The following SAMTOR variants were observed in gnomAD, a reference collection of about 807,000 sequenced individuals.
SAMTOR encodes UPF0532 protein C7orf60.
the SAMTOR span, among the ~76,000 whole-genome samples, chr7:112,847,984 T>A: frequency 6.6e-6 from 1 of 151,898 alleles, no homozygotes; most frequent in Admixed American, 6.6e-5. Flanking sequence ...TCAAAAAATT[T>A]AAAAAATTAA....
the SAMTOR span, among the ~76,000 whole-genome samples, chr7:112,899,669 G>A: frequency 6.6e-6 from 1 of 150,668 alleles, no homozygotes; most frequent in African/African-American, 2.5e-5. Context: ...AATCCTAAAA[G>A]CAGTAAGAGA....
At chr7:112,865,470 G>T in the SAMTOR span, among the ~76,000 whole-genome samples, 8 of 151,916 alleles carry the variant, frequency 5.3e-5, no homozygotes, top group Non-Finnish European at 1.2e-4. Flanking sequence ...TGAAGACAGG[G>T]TTTCGCCATG....
At chr7:112,919,465 T>G in the SAMTOR span, among the ~76,000 whole-genome samples, 8 of 151,004 alleles carry the variant, frequency 5.3e-5, no homozygotes, top group East Asian at 9.8e-4. Flanking sequence ...AGAGGGAAAT[T>G]TATAGCACTA....
chr7:112,890,045 G>A, the SAMTOR span, among the ~76,000 whole-genome samples: 2 of 152,168 alleles, frequency 1.3e-5, no homozygotes, highest in Admixed American at 6.5e-5. Flanking sequence ...GGACTAGTCA[G>A]AAATTTAACA....
chr7:112,859,128 A>G, the SAMTOR span, among the ~76,000 whole-genome samples: 1 of 152,330 alleles, frequency 6.6e-6, no homozygotes, highest in East Asian at 1.9e-4. Context: ...TGCAATATCA[A>G]CTTTTCCATG....
the SAMTOR span, among the ~76,000 whole-genome samples, chr7:112,912,348 T>C: frequency 6.6e-6 from 1 of 152,082 alleles, no homozygotes; most frequent in Non-Finnish European, 1.5e-5. Context: ...ATTGCATTTT[T>C]TTCTCTGGCT....
the SAMTOR span, among the ~76,000 whole-genome samples, chr7:112,899,808 A>G: frequency 6.6e-6 from 1 of 151,868 alleles, no homozygotes; most frequent in Non-Finnish European, 1.5e-5. Flanking sequence ...AAAAAAAGGA[A>G]ACAACTTTCA....
chr7:112,880,402 A>C, the SAMTOR span, among the ~76,000 whole-genome samples: 2 of 152,154 alleles, frequency 1.3e-5, no homozygotes, highest in Non-Finnish European at 2.9e-5. Context: ...ATTTCCCCAA[A>C]GTTATTCCCT....
chr7:112,938,563 G>A, the SAMTOR span, among the ~76,000 whole-genome samples: 9 of 152,232 alleles, frequency 5.9e-5, no homozygotes, highest in African/African-American at 1.9e-4. Flanking sequence ...CTAAGTATAG[G>A]ACTAACACCA....
At chr7:112,832,621 G>A in the SAMTOR span, 1 of 1,613,518 alleles carries the variant, frequency 6.2e-7, no homozygotes, top group African/African-American at 1.3e-5. Context: ...TCAGAAATGG[G>A]TTAAAGCAGC....
At chr7:112,862,934 A>C in the SAMTOR span, among the ~76,000 whole-genome samples, 1 of 151,114 alleles carries the variant, frequency 6.6e-6, no homozygotes, top group African/African-American at 2.4e-5. Context: ...AAAAAAAAAA[A>C]GGGGGTGGGG....
chr7:112,832,468 A>G, the SAMTOR span: 1 of 746,854 alleles, frequency 1.3e-6, no homozygotes, highest in Non-Finnish European at 2.4e-6. Flanking sequence ...TACACAGGAA[A>G]TACATTTGCT....
chr7:112,910,053 C>G, the SAMTOR span, among the ~76,000 whole-genome samples: 1 of 151,894 alleles, frequency 6.6e-6, no homozygotes, highest in Admixed American at 6.6e-5. Context: ...AAAGACTCAT[C>G]TTTGTACTAC....
chr7:112,837,895 T>A, the SAMTOR span, among the ~76,000 whole-genome samples: 1 of 151,962 alleles, frequency 6.6e-6, no homozygotes, highest in Non-Finnish European at 1.5e-5. Context: ...TGCATTAACA[T>A]TGAACTCGTG....
the SAMTOR span, chr7:112,939,443 C>G: frequency 2.3e-6 from 3 of 1,298,032 alleles, no homozygotes. Flanking sequence ...CTAGGGGGCT[C>G]AGACCAGGCC....
chr7:112,921,966 TCTCCCG>T, the SAMTOR span, among the ~76,000 whole-genome samples: 49 of 126,018 alleles, frequency 3.9e-4, no homozygotes, highest in East Asian at 2.7e-3. Flanking sequence ...TCCCTCTCCC[TCTCCCG>T]CTCCCGCTCC....
chr7:112,902,357 G>A, the SAMTOR span, among the ~76,000 whole-genome samples: 21 of 146,888 alleles, frequency 1.4e-4, no homozygotes, highest in East Asian at 2.1e-3. Flanking sequence ...CGGAGGTTGC[G>A]GTGAGCTGAG....
the SAMTOR span, among the ~76,000 whole-genome samples, chr7:112,841,586 C>T: frequency 1.3e-5 from 2 of 152,100 alleles, no homozygotes; most frequent in Admixed American, 1.3e-4. Context: ...CTTTAAATTT[C>T]ATATGGAACC....
chr7:112,919,303 A>G, the SAMTOR span, among the ~76,000 whole-genome samples: 12 of 152,170 alleles, frequency 7.9e-5, no homozygotes, highest in African/African-American at 2.4e-4. Flanking sequence ...CTCACTCAAA[A>G]CCACTCAACT....
Sources: gnomAD v4.1 joint callset for allele counts (sites outside exome capture counted in the v4.1 genomes callset) on GRCh38, gnomAD v4.1.1 for gene constraint, MANE v1.5 for transcripts, NCBI Gene and HGNC (gene_info 2026-07-23, HGNC 2026-07-21) for gene names.